Variants in LRRC37A2 observed in about 807,000 individuals in gnomAD.
The protein encoded by LRRC37A2 is leucine rich repeat containing 37 member A2.
A neutral mutation model predicts 68.8 loss-of-function variants in LRRC37A2; 9 were observed. The ratio of observed to expected loss-of-function variants is 0.13; its 90% CI spans 0.08 to 0.23. The LOEUF (loss-of-function observed/expected upper bound fraction) is 0.23. Among genes scored for constraint, LRRC37A2 ranks in the 10% least tolerant of loss-of-function variants. LRRC37A2 has a pLI of 1.00. For missense variants in LRRC37A2, 168 were observed against 950.4 expected (o/e 0.18, Z 10.82); for synonymous variants, 63 against 367.6 (o/e 0.17, Z 9.48).
chr17:46,929,787 C>G, the LRRC37A2 span: 1 of 560,694 alleles, frequency 1.8e-6, no homozygotes, highest in South Asian at 2.0e-5. Context: ...TCTTATCCCC[C>G]ATTACCCCTC....
chr17:46,389,341 ACT>A, the LRRC37A2 span, among the ~76,000 whole-genome samples: 2 of 73,020 alleles, frequency 2.7e-5, no homozygotes, highest in Admixed American at 1.5e-4. Context: ...TATCAGGCAA[ACT>A]CTAACCAAAA....
the LRRC37A2 span, chr17:47,019,355 G>A: frequency 6.2e-7 from 1 of 1,610,156 alleles, no homozygotes; most frequent in African/African-American, 1.4e-5. Context: ...TTCAACCTCT[G>A]GACCTGGAGC....
the LRRC37A2 span, among the ~76,000 whole-genome samples, chr17:46,836,095 C>CGTGAGTGTGTGTGTGTGT: frequency 7.9e-6 from 1 of 126,502 alleles, no homozygotes; most frequent in East Asian, 2.7e-4. Flanking sequence ...GAGACGCTGA[C>CGTGAGTGTGTGTGTGTGT]GTGTGTGTGT....
the LRRC37A2 span, among the ~76,000 whole-genome samples, chr17:46,985,493 C>A: frequency 6.8e-6 from 1 of 146,542 alleles, no homozygotes; most frequent in African/African-American, 2.5e-5. Context: ...GCACTCCAGC[C>A]TGGGAGACAA....
the LRRC37A2 span, among the ~76,000 whole-genome samples, chr17:46,569,296 A>G: frequency 6.7e-6 from 1 of 149,760 alleles, no homozygotes; most frequent in Non-Finnish European, 1.5e-5. Context: ...ACTAGGTGCT[A>G]GATATTAAAG....
chr17:46,777,694 A>G, the LRRC37A2 span, among the ~76,000 whole-genome samples: 1 of 152,184 alleles, frequency 6.6e-6, no homozygotes. Flanking sequence ...AATCCTCACA[A>G]CAACTCTGGG....
At chr17:46,825,077 A>G in the LRRC37A2 span, among the ~76,000 whole-genome samples, 1 of 152,068 alleles carries the variant, frequency 6.6e-6, no homozygotes, top group Non-Finnish European at 1.5e-5. Flanking sequence ...TTATTCTGCC[A>G]TTGCCTCATA....
the LRRC37A2 span, among the ~76,000 whole-genome samples, chr17:46,895,415 C>T: frequency 6.6e-6 from 1 of 152,224 alleles, no homozygotes; most frequent in Non-Finnish European, 1.5e-5. Flanking sequence ...AGGACGGAAC[C>T]TCTCTGTGCC....
chr17:46,801,358 G>A, the LRRC37A2 span, among the ~76,000 whole-genome samples: 15 of 152,184 alleles, frequency 9.9e-5, no homozygotes, highest in Admixed American at 3.3e-4. Flanking sequence ...GGTGGCTCAC[G>A]CCTGTAATCC....
chr17:46,450,035 C>CT, the LRRC37A2 span, among the ~76,000 whole-genome samples: 1 of 92,712 alleles, frequency 1.1e-5, no homozygotes, highest in Non-Finnish European at 2.3e-5. Flanking sequence ...ATACACAAGA[C>CT]TTTGTTTGCC....
the LRRC37A2 span, among the ~76,000 whole-genome samples, chr17:46,741,472 A>G: frequency 6.6e-6 from 1 of 152,228 alleles, no homozygotes; most frequent in Non-Finnish European, 1.5e-5. Context: ...GAAGTAGACT[A>G]AGAATTTGCT....
the LRRC37A2 span, among the ~76,000 whole-genome samples, chr17:46,609,121 G>T: frequency 6.8e-6 from 1 of 147,892 alleles, no homozygotes; most frequent in East Asian, 2.0e-4. Flanking sequence ...CTGTGGTTGA[G>T]TAGAAGGATA....
At chr17:46,771,206 G>C in the LRRC37A2 span, among the ~76,000 whole-genome samples, 1 of 152,206 alleles carries the variant, frequency 6.6e-6, no homozygotes, top group Non-Finnish European at 1.5e-5. Context: ...GAAGAGTGCA[G>C]AGCTGGTCCC....
chr17:46,905,772 C>CT, the LRRC37A2 span, among the ~76,000 whole-genome samples: 1 of 137,198 alleles, frequency 7.3e-6, no homozygotes, highest in East Asian at 2.1e-4. Flanking sequence ...CCCCTGTACT[C>CT]TGTGTGTTTG....
the LRRC37A2 span, chr17:46,876,829 C>T: frequency 7.0e-7 from 1 of 1,438,286 alleles, no homozygotes; most frequent in Non-Finnish European, 9.2e-7. Context: ...CATAAACCGG[C>T]ATGTGTGCCA....
At chr17:46,725,666 A>C in the LRRC37A2 span, among the ~76,000 whole-genome samples, 1 of 152,154 alleles carries the variant, frequency 6.6e-6, no homozygotes, top group Non-Finnish European at 1.5e-5. Flanking sequence ...GATACCCAGG[A>C]AGGAATATAT....
chr17:46,709,742 G>A, the LRRC37A2 span, among the ~76,000 whole-genome samples: 15 of 152,060 alleles, frequency 9.9e-5, no homozygotes, highest in South Asian at 2.5e-3. Flanking sequence ...TGATCCACCC[G>A]CCTCAGCCTC....
At chr17:46,901,389 C>T in the LRRC37A2 span, among the ~76,000 whole-genome samples, 4 of 151,982 alleles carry the variant, frequency 2.6e-5, no homozygotes, top group Non-Finnish European at 4.4e-5. Context: ...CTTTAACTCC[C>T]GACCTCAGGT....
the LRRC37A2 span, among the ~76,000 whole-genome samples, chr17:46,798,151 A>G: frequency 6.6e-6 from 1 of 152,100 alleles, no homozygotes; most frequent in Non-Finnish European, 1.5e-5. Flanking sequence ...CTGGTCTCGA[A>G]CCCCTGACCT....
Sources: gnomAD v4.1 joint callset for allele counts (sites outside exome capture counted in the v4.1 genomes callset) on GRCh38, gnomAD v4.1.1 for gene constraint, MANE v1.5 for transcripts, NCBI Gene and HGNC (gene_info 2026-07-23, HGNC 2026-07-21) for gene names.